Variants in TFCP2L1 observed in about 807,000 individuals in gnomAD.
TFCP2L1 encodes transcription factor CP2-like protein 1.
Under a neutral mutation model 72.2 loss-of-function variants are expected in TFCP2L1, and 12 were observed. The observed-to-expected ratio is 0.17, with a 90% CI of 0.11 to 0.27. The LOEUF (loss-of-function observed/expected upper bound fraction) is 0.27, where lower values mean the gene tolerates loss of function less well. Among genes scored for constraint, TFCP2L1 ranks in the 10% least tolerant of loss-of-function variants. TFCP2L1 has a pLI of 1.00. For missense variants in TFCP2L1, 488 were observed against 624.6 expected (o/e 0.78, Z 2.33); for synonymous variants, 260 against 251.0 (o/e 1.04, Z -0.34).
chr2:121,284,995 G>A, intron 1 of TFCP2L1, 53 bp downstream of exon 1: 1 of 1,420,712 alleles, frequency 7.0e-7, no homozygotes, highest in East Asian at 3.1e-5. Flanking sequence ...GTCCAACGGC[G>A]CCCGGCCCGC....
chr2:121,259,390 C>T (rs1686789295), intron 2 of TFCP2L1, among the ~76,000 whole-genome samples: 1 of 152,030 alleles, frequency 6.6e-6, no homozygotes, highest in East Asian at 1.9e-4. Context: ...CCTATCTATA[C>T]ATCCCTTTAT....
chr2:121,279,148 G>C (rs1398450597), intron 2 of TFCP2L1, among the ~76,000 whole-genome samples: 1 of 152,158 alleles, frequency 6.6e-6, no homozygotes, highest in Non-Finnish European at 1.5e-5. Flanking sequence ...CCACTCTTCA[G>C]CACCACAGGA....
chr2:121,225,339 G>A lies in TFCP2L1; in HGVS notation c.1393+223C>T, dbSNP rs115331596. 4.2e-3 allele frequency among the ~76,000 whole-genome samples: 638 copies of A among 152,284 alleles called. 7 individuals are homozygous for A. The highest frequency in any genetic ancestry group is 0.014 in the African/African-American group (569 of 41,544). ...GCTTCTACTCAACACTGAGTTCATA[G>A]AAAACAAGTTGCCTGGCCCAGGATT... On this transcript the variant is annotated intron_variant, in intron 14 of 14. Transcript: ENST00000263707.
intron 7 of TFCP2L1, chr2:121,240,821 C>T (rs1384717129): frequency 1.2e-6 from 1 of 853,994 alleles, no homozygotes; most frequent in Non-Finnish European, 1.4e-6. Flanking sequence ...TCCTGCCACT[C>T]CTTTGCGGGC....
intron 2 of TFCP2L1, among the ~76,000 whole-genome samples, chr2:121,271,632 A>G (rs1687049550): frequency 6.6e-6 from 1 of 152,348 alleles, no homozygotes; most frequent in East Asian, 1.9e-4. Flanking sequence ...AGTCACTGAT[A>G]TAATTGGTAA....
At chr2:121,260,129 T>TTGTG (rs1002845446) in intron 2 of TFCP2L1, among the ~76,000 whole-genome samples, 2 of 152,108 alleles carry the variant, frequency 1.3e-5, no homozygotes, top group African/African-American at 4.8e-5. Context: ...GAACCCACAG[T>TTGTG]ACACTAGGAC....
At chr2:121,239,717 C>A in intron 7 of TFCP2L1, 68 bp from the exon 8 acceptor site, 1 of 1,473,140 alleles carries the variant, frequency 6.8e-7, no homozygotes, top group Non-Finnish European at 9.3e-7. Flanking sequence ...CAGGTCCTCC[C>A]AAGCAGGCAT....
chr2:121,248,365 C>T, intron 4 of TFCP2L1, 95 bp from the exon 5 acceptor site: 1 of 992,602 alleles, frequency 1.0e-6, no homozygotes, highest in Non-Finnish European at 1.4e-6. Flanking sequence ...TTCCTTCGCC[C>T]CAATTTGCAA....
intron 2 of TFCP2L1, among the ~76,000 whole-genome samples, chr2:121,257,848 C>G (rs1236754584): frequency 6.7e-6 from 1 of 150,088 alleles, no homozygotes; most frequent in Middle Eastern, 3.4e-3. Context: ...CTGCTTTCGG[C>G]GCTTTGCAAC....
chr2:121,249,129 G>T, intron 3 of TFCP2L1, 42 bp from the exon 4 acceptor site: 1 of 1,427,452 alleles, frequency 7.0e-7, no homozygotes, highest in Admixed American at 2.4e-5. Flanking sequence ...ACCGCGGGGG[G>T]CCAAGAGGAA....
Position 121,232,866 on chromosome 2 carries a change from A to G in TFCP2L1, c.1199-898T>C, listed in dbSNP as rs992872605. ...AGACGGCCTGCACCAGCCAGGCAGGAGCAAATGCCACCGGCAACCCAGGGT... is the reference window on the plus strand; with the variant it reads ...AGACGGCCTGCACCAGCCAGGCAGGGGCAAATGCCACCGGCAACCCAGGGT... On this transcript the variant is annotated intron_variant, in intron 12 of 14. Transcript: ENST00000263707. Among the ~76,000 whole-genome samples the G allele has an allele frequency of 7.9e-5, 12 of 152,246 alleles. No homozygotes were observed. The East Asian group carries it at 1.7e-3, about 22-fold the overall frequency.
At chr2:121,253,867 C>T (rs940768962) in intron 2 of TFCP2L1, among the ~76,000 whole-genome samples, 1 of 152,178 alleles carries the variant, frequency 6.6e-6, no homozygotes, top group African/African-American at 2.4e-5. Context: ...GACATCCAGC[C>T]ACCCTCTGCA....
chr2:121,232,107 T>TTTTTGTTTTGTTTGG (rs1686156640), intron 12 of TFCP2L1, 139 bp from the exon 13 acceptor site: 1 of 528,734 alleles, frequency 1.9e-6, no homozygotes, highest in South Asian at 3.1e-5. Context: ...ACTGCCACTC[T>TTTTTGTTTTGTTTGG]TTTTGTTTTG....
At chr2:121,256,216 G>A (rs1686717307) in intron 2 of TFCP2L1, among the ~76,000 whole-genome samples, 2 of 152,120 alleles carry the variant, frequency 1.3e-5, no homozygotes, top group Non-Finnish European at 1.5e-5. Context: ...TTTGATATTC[G>A]TTTCCTTGCG....
chr2:121,284,826 G>C (rs1687333831), intron 1 of TFCP2L1, among the ~76,000 whole-genome samples: 1 of 152,142 alleles, frequency 6.6e-6, no homozygotes, highest in Non-Finnish European at 1.5e-5. Flanking sequence ...GGCTCTGCGC[G>C]CTCGCCTCCC....
intron 2 of TFCP2L1, among the ~76,000 whole-genome samples, chr2:121,265,859 A>G (rs1280604010): frequency 2.0e-5 from 3 of 148,930 alleles, no homozygotes; most frequent in African/African-American, 7.4e-5. Flanking sequence ...TCTTCCAAGT[A>G]GTAATCTTTT....
intron 2 of TFCP2L1, among the ~76,000 whole-genome samples, chr2:121,250,008 C>G (rs924342506): frequency 3.3e-5 from 5 of 152,214 alleles, no homozygotes; most frequent in Admixed American, 6.5e-5. Context: ...GAGAACACAG[C>G]TACTTAAGTT....
intron 2 of TFCP2L1, among the ~76,000 whole-genome samples, chr2:121,264,096 G>A (rs2104735806): frequency 6.6e-6 from 1 of 152,332 alleles, no homozygotes; most frequent in Middle Eastern, 3.4e-3. Context: ...ACATAGGCTT[G>A]GGGCTCAGGA....
At chr2:121,266,857 T>C (rs745780169) in intron 2 of TFCP2L1, among the ~76,000 whole-genome samples, 13 of 142,690 alleles carry the variant, frequency 9.1e-5, no homozygotes, top group African/African-American at 2.1e-4. Flanking sequence ...AAAATACAGA[T>C]GATTTTAATA....
Sources: gnomAD v4.1 joint callset for allele counts (sites outside exome capture counted in the v4.1 genomes callset) on GRCh38, gnomAD v4.1.1 for gene constraint, MANE v1.5 for transcripts, NCBI Gene and HGNC (gene_info 2026-07-23, HGNC 2026-07-21) for gene names.